Variants in NRG1 observed in about 807,000 individuals in gnomAD.
NRG1 encodes neuregulin 1, also known as pro-neuregulin-1, membrane-bound isoform.
In NRG1, 18 loss-of-function variants were observed where a neutral mutation model predicts 63.8. The ratio of observed to expected loss-of-function variants is 0.28; its 90% CI spans 0.19 to 0.42. The LOEUF is 0.42. Ranked by LOEUF, NRG1 falls within the 10% of genes least tolerant of loss-of-function variation. The pLI is 1.00. For missense variants in NRG1, 762 were observed against 814.7 expected, an observed-to-expected ratio of 0.94 and a Z score of 0.79; for synonymous variants, 302 against 301.3, an observed-to-expected ratio of 1.00 and a Z score of -0.02.
Position 31,937,936 on chromosome 8 carries a change from C to T in NRG1, c.37+298505C>T, listed in dbSNP as rs551079822. On this transcript the variant is annotated intron_variant, in intron 1 of 10. Transcript: ENST00000519301. ...ACCTGGTGGTCTTTCTCTATCAGCC[C>T]TGGTAGCTGAAGACAAAGTTCATAA... 3.9e-5 allele frequency among the ~76,000 whole-genome samples: 6 copies of T among 152,276 alleles called. No individual in the cohort carries two copies. In the East Asian group the frequency reaches 5.8e-4, roughly 15 times the overall value.
chr8:32,554,975 G>A (rs895072786), intron 1 of NRG1, among the ~76,000 whole-genome samples: 2 of 151,218 alleles, frequency 1.3e-5, no homozygotes, highest in African/African-American at 4.9e-5. Flanking sequence ...TCTACTGGAA[G>A]AACAGAGTCC....
chr8:32,652,172 A>G (rs1245395440), intron 5 of NRG1, among the ~76,000 whole-genome samples: 1 of 152,238 alleles, frequency 6.6e-6, no homozygotes, highest in Non-Finnish European at 1.5e-5. Flanking sequence ...CGAATGTAGC[A>G]TCAGACTGAG....
chr8:32,466,133 T>A (rs572813767), intron 1 of NRG1, among the ~76,000 whole-genome samples: 67 of 152,278 alleles, frequency 4.4e-4, no homozygotes, highest in African/African-American at 1.4e-3. Flanking sequence ...CGAGACTCCA[T>A]CTTTACAAAT....
At chr8:32,757,293 T>A (rs533744030) in intron 9 of NRG1, among the ~76,000 whole-genome samples, 2 of 152,326 alleles carry the variant, frequency 1.3e-5, no homozygotes, top group African/African-American at 4.8e-5. Flanking sequence ...AGCCGCACCA[T>A]CTCTTGGCTT....
chr8:32,654,053 T>C (rs1043876265), intron 5 of NRG1, among the ~76,000 whole-genome samples: 1 of 152,068 alleles, frequency 6.6e-6, no homozygotes, highest in Non-Finnish European at 1.5e-5. Flanking sequence ...CTGAACATTT[T>C]TAGAGATTAT....
At chr8:31,938,745 C>T (rs1187850351) in intron 1 of NRG1, among the ~76,000 whole-genome samples, 1 of 152,124 alleles carries the variant, frequency 6.6e-6, no homozygotes, top group African/African-American at 2.4e-5. Flanking sequence ...ATCAAGGACA[C>T]ACTTAGAGAA....
intron 1 of NRG1, among the ~76,000 whole-genome samples, chr8:32,147,924 C>A (rs2346773): frequency 0.056 from 8,457 of 152,044 alleles, 398 homozygotes; most frequent in East Asian, 0.26. Flanking sequence ...GTGTAATTTA[C>A]CCCTCTCCAA....
intron 1 of NRG1, among the ~76,000 whole-genome samples, chr8:32,389,821 C>T (rs977515750): frequency 6.6e-6 from 1 of 150,478 alleles, no homozygotes; most frequent in Admixed American, 6.7e-5. Context: ...AGTGCAGTGG[C>T]GCGATCTCAG....
chr8:32,717,021 A>G (rs1819417530), intron 5 of NRG1, among the ~76,000 whole-genome samples: 2 of 152,146 alleles, frequency 1.3e-5, no homozygotes. Context: ...AGCCCCAAAA[A>G]TGGAAAAAGA....
intron 1 of NRG1, among the ~76,000 whole-genome samples, chr8:31,718,790 A>C (rs911761438): frequency 6.6e-6 from 1 of 152,222 alleles, no homozygotes; most frequent in African/African-American, 2.4e-5. Flanking sequence ...CTAATAAGGA[A>C]AAATATTTCT....
Position 32,156,318 on chromosome 8 carries a change from G to T in NRG1, c.38-439510G>T, listed in dbSNP as rs188794484. On this transcript the variant is annotated intron_variant, in intron 1 of 10. Coordinates refer to the NRG1 transcript ENST00000519301. ...CAGCCTTCTCAGCCTCCCTGGGTCA[G>T]TTCCCTCCATCATGCACCATCATTG... Among the ~76,000 whole-genome samples the T allele has an allele frequency of 2.0e-5, 3 of 152,302 alleles. No individual in the cohort carries two copies. In the East Asian group the frequency reaches 5.8e-4, roughly 29 times the overall value.
At position 32,578,813 on chromosome 8, in the gene NRG1, A is replaced by T. The variant is rs193066710; in HGVS notation, c.101-17015A>T. 1.5e-3 allele frequency among the ~76,000 whole-genome samples: 222 copies of T among 152,334 alleles called. 1 individual carries two copies. Among genetic ancestry groups the T allele is most frequent in the Non-Finnish European group, 1.3e-3 (87 of 68,038 alleles). On this transcript the variant is annotated intron_variant, in intron 1 of 11. Transcript: ENST00000356819. The stretch of plus-strand genomic sequence containing the variant: ...TTGAGGTACACCAAAGTAATGCAAG[A>T]AATATCTTTCTTTAGAGCTAGAGTT...
chr8:32,733,666 AAC>A (rs1234180952), intron 6 of NRG1, among the ~76,000 whole-genome samples: 2 of 152,162 alleles, frequency 1.3e-5, no homozygotes, highest in South Asian at 4.1e-4. Flanking sequence ...CACTTTTTAA[AAC>A]ACAGAGAAAA....
chr8:32,696,981 G>A (rs1406063836), intron 5 of NRG1, among the ~76,000 whole-genome samples: 2 of 152,156 alleles, frequency 1.3e-5, no homozygotes, highest in Admixed American at 6.5e-5. Flanking sequence ...TATCTTTAAA[G>A]ATGGTCTGCT....
intron 1 of NRG1, among the ~76,000 whole-genome samples, chr8:32,155,527 C>T (rs1287495455): frequency 3.9e-5 from 6 of 152,126 alleles, no homozygotes; most frequent in African/African-American, 1.2e-4. Context: ...TAAATCCTTT[C>T]TATCTATAGA....
At chr8:32,758,188 G>C (rs955281678) in intron 9 of NRG1, among the ~76,000 whole-genome samples, 1 of 152,004 alleles carries the variant, frequency 6.6e-6, no homozygotes, top group Non-Finnish European at 1.5e-5. Flanking sequence ...ACTCAATTTG[G>C]TATAAATACT....
chr8:32,742,926 G>A lies in NRG1; in HGVS notation c.691+193G>A. 2 of 1,466,898 alleles carry A rather than the reference G, an allele frequency of 1.4e-6. No individual in the cohort carries two copies. The highest frequency in any genetic ancestry group is 2.2e-5 in the Admixed American group (1 of 44,502). 90.9% of individuals were successfully genotyped at this position (1,466,898 alleles called of 1,614,324 possible). A position where few individuals can be genotyped will look rare whatever the true frequency, so the allele number is the denominator to read the frequency against. On this transcript the variant is annotated intron_variant, in intron 7 of 11. Coordinates refer to ENST00000356819, the Ensembl canonical transcript of NRG1. The surrounding 1 kb of genome is among the most constrained non-coding windows in gnomAD (Gnocchi z 4.2). The stretch of plus-strand genomic sequence containing the variant: ...GTATTACTTCCTCTGTTCGCGACTA[G>A]TTGGCTCTGAGATACTAATAGGTGT...
At chr8:32,191,831 AAG>A (rs1842522649) in intron 1 of NRG1, among the ~76,000 whole-genome samples, 1 of 152,196 alleles carries the variant, frequency 6.6e-6, no homozygotes, top group African/African-American at 2.4e-5. Flanking sequence ...AGTTGGAGGC[AAG>A]AGAGAGTCAA....
intron 1 of NRG1, among the ~76,000 whole-genome samples, chr8:32,402,335 G>A (rs1813317955): frequency 6.6e-6 from 1 of 151,998 alleles, no homozygotes; most frequent in South Asian, 2.1e-4. Flanking sequence ...AAAATGAAAG[G>A]AAATAGGTGC....
Sources: allele counts gnomAD v4.1 joint callset (sites outside exome capture counted in the v4.1 genomes callset), GRCh38; gene constraint gnomAD v4.1.1; non-coding constraint Gnocchi (gnomAD v3.1); transcripts MANE v1.5; gene names NCBI Gene and HGNC (gene_info 2026-07-23, HGNC 2026-07-21).